Variants in LMO7 observed in about 807,000 individuals in gnomAD.
The protein encoded by LMO7 is LIM domain 7.
In LMO7, 120 loss-of-function variants were observed where a neutral mutation model predicts 206.5. The ratio of observed to expected loss-of-function variants is 0.58; its 90% CI spans 0.50 to 0.68. The LOEUF (loss-of-function observed/expected upper bound fraction) is 0.68. Ranked by LOEUF, LMO7 falls within the 30% of genes least tolerant of loss-of-function variation. LMO7 has a pLI of 0.00. For missense variants in LMO7, 1,959 were observed against 1,957.9 expected, an observed-to-expected ratio of 1.00 and a Z score of -0.01; for synonymous variants, 706 against 681.5, an observed-to-expected ratio of 1.04 and a Z score of -0.56.
intron 11 of LMO7, chr13:75,816,810 T>G (rs562719960): frequency 3.6e-4 from 59 of 162,210 alleles, no homozygotes; most frequent in Non-Finnish European, 7.0e-4. Context: ...AGAGAGATAA[T>G]TCTAGTGACT....
At chr13:75,629,000 G>C (rs2034563579) in intron 2 of LMO7, among the ~76,000 whole-genome samples, 1 of 152,208 alleles carries the variant, frequency 6.6e-6, no homozygotes, top group African/African-American at 2.4e-5. Context: ...TTTGCCCCCA[G>C]GGGACGTCTG....
intron 1 of LMO7, among the ~76,000 whole-genome samples, chr13:75,705,809 C>T (rs2042608380): frequency 6.6e-6 from 1 of 151,608 alleles, no homozygotes. Context: ...TATTTTTAAA[C>T]AACCTACTTT....
At chr13:75,812,669 CT>C (rs1284989856) in intron 11 of LMO7, among the ~76,000 whole-genome samples, 1 of 152,074 alleles carries the variant, frequency 6.6e-6, no homozygotes, top group Non-Finnish European at 1.5e-5. Context: ...CTTTAGCAAC[CT>C]TGTTTTATGA....
chr13:75,795,395 T>C lies in LMO7; in HGVS notation c.318-6T>C, dbSNP rs776604685. 2 of 1,575,390 alleles carry C rather than the reference T, an allele frequency of 1.3e-6. No homozygotes were observed. Among genetic ancestry groups the C allele is most frequent in the South Asian group, 2.3e-5 (2 of 87,562 alleles). Reference sequence around the variant, plus strand: ...ATTACCTAATAGATATTTTCTTTCTTTACAGGCAAGAAGAGACTGACAGGA... The same window carrying C: ...ATTACCTAATAGATATTTTCTTTCTCTACAGGCAAGAAGAGACTGACAGGA... On this transcript the variant is annotated splice_region_variant and splice_polypyrimidine_tract_variant and intron_variant, in intron 4 of 30. Coordinates refer to ENST00000377534, the MANE Select transcript of LMO7 (RefSeq NM_001306080.2).
At position 75,830,136 on chromosome 13, in the gene LMO7, G is replaced by GA. The variant is rs1481035983; in HGVS notation, c.2950-2910dup. On this transcript the variant is annotated intron_variant, in intron 15 of 30. Coordinates refer to ENST00000377534, the MANE Select transcript of LMO7 (RefSeq NM_001306080.2). ...ACTCACTTGGCATATGTCTTGCAGA[G>GA]AAAAATAAGGAAGTTGAAATCCTTC... is the stretch of plus-strand genomic sequence containing the variant. Among the ~76,000 whole-genome samples, 7 of 152,254 alleles carry GA rather than the reference G, an allele frequency of 4.6e-5. No homozygotes were observed. The East Asian group carries it at 1.4e-3, about 29-fold the overall frequency.
intron 11 of LMO7, 101 bp downstream of exon 11, chr13:75,809,284 T>C: frequency 1.0e-6 from 1 of 978,206 alleles, no homozygotes; most frequent in Non-Finnish European, 1.6e-6. Flanking sequence ...GGGGTTGTTG[T>C]GTGCTGTGCA....
Position 75,778,876 on chromosome 13 carries a change from A to G in LMO7, c.318-16525A>G, listed in dbSNP as rs370335657. Among the ~76,000 whole-genome samples the G allele has an allele frequency of 2.0e-4, 30 of 152,284 alleles. No individual in the cohort carries two copies. The South Asian group carries it at 6.2e-3, about 32-fold the overall frequency. On this transcript the variant is annotated intron_variant, in intron 4 of 30. Coordinates refer to ENST00000377534, the MANE Select transcript of LMO7 (RefSeq NM_001306080.2). ...AGGGCTCATTAAAACATGTATTACT[A>G]TACCCCCAACTCTCCCAATATTTTA... is the stretch of plus-strand genomic sequence containing the variant.
chr13:75,807,675 T>G lies in LMO7; in HGVS notation c.1392T>G (p.Phe464Leu). Residue 464 changes from phenylalanine to leucine, a missense_variant, in exon 10 of 31, where the codon TTT (phenylalanine) becomes TTG (leucine). Phe to Leu is a conservative substitution (Grantham distance 22). Transcript: ENST00000377534. ...LDPDLENDDF[F>L]VRKTGAFHAN... is the part of the protein sequence containing the mutation. ...CTGACTTAGAGAATGATGATTTCTT[T>G]GTCAGAAAGACTGGGGCTTTCCATG... is the stretch of plus-strand genomic sequence containing the variant. 6.2e-7 allele frequency: 1 copy of G among 1,614,028 alleles called. No individual in the cohort carries two copies. The highest frequency in any genetic ancestry group is 8.5e-7 in the Non-Finnish European group (1 of 1,179,894).
chr13:75,839,125 A>T (rs2059377680), intron 20 of LMO7, among the ~76,000 whole-genome samples: 1 of 152,234 alleles, frequency 6.6e-6, no homozygotes, highest in Admixed American at 6.5e-5. Flanking sequence ...CTTACCAGCT[A>T]TGCAAGTCTA....
intron 2 of LMO7, among the ~76,000 whole-genome samples, chr13:75,723,641 G>A (rs1335756305): frequency 1.3e-5 from 2 of 152,130 alleles, no homozygotes; most frequent in Non-Finnish European, 2.9e-5. Context: ...TTTCTGAATT[G>A]AGTTATATTT....
intron 1 of LMO7, among the ~76,000 whole-genome samples, chr13:75,704,921 G>T (rs905150055): frequency 3.3e-5 from 5 of 152,178 alleles, no homozygotes; most frequent in Non-Finnish European, 5.9e-5. Context: ...AAGAAATGGG[G>T]TTTTTTGAAA....
intron 2 of LMO7, among the ~76,000 whole-genome samples, chr13:75,626,595 A>ATTTTTTTTT (rs1240937141): frequency 5.6e-5 from 4 of 71,182 alleles, no homozygotes; most frequent in Non-Finnish European, 1.1e-4. Flanking sequence ...ATATATATAA[A>ATTTTTTTTT]TTTTTTTGAG....
At chr13:75,830,409 G>A (rs1595375124) in intron 15 of LMO7, among the ~76,000 whole-genome samples, 1 of 152,198 alleles carries the variant, frequency 6.6e-6, no homozygotes, top group East Asian at 1.9e-4. Context: ...TTGAAACTAG[G>A]CTACTTAAAA....
intron 4 of LMO7, among the ~76,000 whole-genome samples, chr13:75,784,364 C>CT (rs1168857469): frequency 6.6e-6 from 1 of 152,048 alleles, no homozygotes; most frequent in African/African-American, 2.4e-5. Flanking sequence ...ATATTTAGGA[C>CT]TAGAGTGATT....
chr13:75,728,074 C>T (rs575640844), intron 3 of LMO7, among the ~76,000 whole-genome samples: 9 of 152,006 alleles, frequency 5.9e-5, no homozygotes, highest in East Asian at 1.9e-4. Context: ...TGAATAGTGC[C>T]GCAATAAACA....
At chr13:75,846,317 C>T (rs547152190) in intron 26 of LMO7, among the ~76,000 whole-genome samples, 4 of 152,134 alleles carry the variant, frequency 2.6e-5, no homozygotes, top group African/African-American at 9.6e-5. Context: ...GCAGTTAGGA[C>T]CTTTGTTATC....
intron 4 of LMO7, among the ~76,000 whole-genome samples, chr13:75,766,177 A>G (rs1294181283): frequency 6.6e-6 from 1 of 150,912 alleles, no homozygotes; most frequent in Non-Finnish European, 1.5e-5. Context: ...AGGGCCGCCT[A>G]TGTTGACTTA....
chr13:75,643,414 G>C (rs897966807), intron 1 of LMO7, among the ~76,000 whole-genome samples: 1 of 152,176 alleles, frequency 6.6e-6, no homozygotes. Context: ...TCTGCTGATT[G>C]AGTTGTTTAT....
At chr13:75,658,454 C>G (rs960899130) in intron 1 of LMO7, among the ~76,000 whole-genome samples, 1 of 151,880 alleles carries the variant, frequency 6.6e-6, no homozygotes, top group Non-Finnish European at 1.5e-5. Context: ...CTTTATTTTC[C>G]AATTCTTCTT....
Sources: allele counts gnomAD v4.1 joint callset (sites outside exome capture counted in the v4.1 genomes callset), GRCh38; gene constraint gnomAD v4.1.1; transcripts MANE v1.5; gene names NCBI Gene and HGNC (gene_info 2026-07-23, HGNC 2026-07-21).